VIPR2: variants seen among roughly 807,000 people sequenced by gnomAD.
VIPR2 encodes the protein vasoactive intestinal peptide receptor 2.
A neutral mutation model predicts 58.0 loss-of-function variants in VIPR2; 48 were observed. The observed-to-expected ratio is 0.83, with a 90% CI of 0.66 to 1.05. The LOEUF is 1.05. Ranked by LOEUF, VIPR2 falls within the 50% of genes least tolerant of loss-of-function variation. The pLI is 0.00. For missense variants in VIPR2, 534 were observed against 558.0 expected (o/e 0.96, Z 0.43); for synonymous variants, 243 against 235.2 (o/e 1.03, Z -0.30).
intron 2 of VIPR2, among the ~76,000 whole-genome samples, chr7:159,125,683 T>C (rs1796627272): frequency 6.6e-6 from 1 of 152,214 alleles, no homozygotes; most frequent in South Asian, 2.1e-4. Flanking sequence ...CAGTTTAGCA[T>C]GATTTCCATC....
At chr7:159,105,825 A>G (rs1025155857) in intron 3 of VIPR2, among the ~76,000 whole-genome samples, 4 of 152,214 alleles carry the variant, frequency 2.6e-5, no homozygotes. Context: ...AAGATAAATA[A>G]TGTGCCCATC....
intron 2 of VIPR2, among the ~76,000 whole-genome samples, chr7:159,115,388 C>T (rs6974127): frequency 0.31 from 47,052 of 151,962 alleles, 7,966 homozygotes; most frequent in African/African-American, 0.46. Flanking sequence ...CATTGTTCTT[C>T]GGCTAAAATG....
intron 3 of VIPR2, among the ~76,000 whole-genome samples, chr7:159,105,985 A>G (rs1858621050): frequency 1.3e-5 from 2 of 152,218 alleles, no homozygotes; most frequent in Non-Finnish European, 1.5e-5. Context: ...CAGCTCTCCA[A>G]TTAATCTCAG....
chr7:159,055,669 C>A (rs1193134050), intron 5 of VIPR2, among the ~76,000 whole-genome samples: 1 of 152,104 alleles, frequency 6.6e-6, no homozygotes, highest in Non-Finnish European at 1.5e-5. Flanking sequence ...TCCAAATCAC[C>A]TTTTTCCCTC....
intron 4 of VIPR2, among the ~76,000 whole-genome samples, chr7:159,074,979 A>G (rs187261992): frequency 1.3e-5 from 2 of 152,358 alleles, no homozygotes; most frequent in African/African-American, 2.4e-5. Context: ...CTCTATGTCT[A>G]TGAAAAGTGA....
At chr7:159,043,884 C>A (rs1854491338) in intron 5 of VIPR2, among the ~76,000 whole-genome samples, 1 of 152,182 alleles carries the variant, frequency 6.6e-6, no homozygotes, top group Non-Finnish European at 1.5e-5. Context: ...AACATCAGGT[C>A]CTCTGATAGC....
At chr7:159,111,202 G>A (rs1055416046) in intron 2 of VIPR2, among the ~76,000 whole-genome samples, 1 of 151,520 alleles carries the variant, frequency 6.6e-6, no homozygotes, top group Non-Finnish European at 1.5e-5. Context: ...GTCAGGATGG[G>A]GTTCCTAGCC....
rs111281162 is a variant in VIPR2, at chr7:159,136,524, C to T, written c.151+5922G>A. Among the ~76,000 whole-genome samples, 913 of 152,144 alleles carry T rather than the reference C, an allele frequency of 6.0e-3. 8 individuals carry two copies. Among genetic ancestry groups the T allele is most frequent in the African/African-American group, 0.021 (871 of 41,498 alleles). ...CACATTAGTGTCCATCCACAGTGGC[C>T]ATGTACCCAAGACAACCACTGCTGC... On this transcript the variant is annotated intron_variant, in intron 2 of 12. Transcript: ENST00000262178.
intron 10 of VIPR2, among the ~76,000 whole-genome samples, chr7:159,033,692 C>T (rs1563254322): frequency 6.6e-6 from 1 of 151,984 alleles, no homozygotes; most frequent in African/African-American, 2.4e-5. Flanking sequence ...AAGTACAAGG[C>T]CTGGTATTAG....
intron 2 of VIPR2, among the ~76,000 whole-genome samples, chr7:159,134,562 C>T (rs1797116735): frequency 6.6e-6 from 1 of 151,998 alleles, no homozygotes; most frequent in Non-Finnish European, 1.5e-5. Context: ...GGTCAAACTA[C>T]TAACATTAGA....
chr7:159,088,414 C>T (rs995511958), intron 4 of VIPR2, among the ~76,000 whole-genome samples: 16 of 152,040 alleles, frequency 1.1e-4, no homozygotes, highest in Admixed American at 5.9e-4. Context: ...GCTGTTCATC[C>T]GCACACATGC....
At position 159,044,456 on chromosome 7, in the gene VIPR2, T is replaced by C. The variant is rs1006343976; in HGVS notation, c.456-1280A>G. 2.6e-5 allele frequency among the ~76,000 whole-genome samples: 4 copies of C among 151,820 alleles called. No individual in the cohort carries two copies. In the East Asian group the frequency reaches 5.8e-4, roughly 22 times the overall value. ...AATAATAATAAGAAAATATGGCCCA[T>C]TTACAGGAAAAATAAAATGAATCAA... On this transcript the variant is annotated intron_variant, in intron 5 of 12. Coordinates refer to ENST00000262178, the MANE Select transcript of VIPR2 (RefSeq NM_003382.5).
intron 2 of VIPR2, among the ~76,000 whole-genome samples, chr7:159,131,815 C>T (rs2129497514): frequency 6.6e-6 from 1 of 152,322 alleles, no homozygotes; most frequent in Admixed American, 6.5e-5. Flanking sequence ...CAGACACAAC[C>T]AGTCAGGTCT....
chr7:159,078,820 C>A (rs1388299276), intron 4 of VIPR2, among the ~76,000 whole-genome samples: 1 of 152,190 alleles, frequency 6.6e-6, no homozygotes, highest in Non-Finnish European at 1.5e-5. Flanking sequence ...AAACATACAA[C>A]CTGAATCAGA....
intron 6 of VIPR2, among the ~76,000 whole-genome samples, chr7:159,040,384 C>A (rs1292564938): frequency 1.3e-5 from 2 of 152,244 alleles, no homozygotes; most frequent in Non-Finnish European, 2.9e-5. Context: ...CACATGTGCA[C>A]GTGAGGCAGG....
At chr7:159,138,040 T>C (rs1563359829) in intron 2 of VIPR2, among the ~76,000 whole-genome samples, 1 of 152,232 alleles carries the variant, frequency 6.6e-6, no homozygotes, top group African/African-American at 2.4e-5. Flanking sequence ...TTTAGTTTCT[T>C]AGAACAGGTC....
chr7:159,132,777 A>G (rs1372652012), intron 2 of VIPR2, among the ~76,000 whole-genome samples: 2 of 132,010 alleles, frequency 1.5e-5, no homozygotes, highest in African/African-American at 5.4e-5. Context: ...TTCAGACAGA[A>G]TGATTGGCAT....
At chr7:159,078,101 T>G (rs1856733557) in intron 4 of VIPR2, among the ~76,000 whole-genome samples, 1 of 152,226 alleles carries the variant, frequency 6.6e-6, no homozygotes, top group African/African-American at 2.4e-5. Context: ...CTTAGAGAGC[T>G]CATTGGAACA....
intron 2 of VIPR2, among the ~76,000 whole-genome samples, chr7:159,126,963 C>T (rs1796674125): frequency 6.6e-6 from 1 of 152,180 alleles, no homozygotes; most frequent in Non-Finnish European, 1.5e-5. Flanking sequence ...GCAAACACAG[C>T]CTTGAGGTGG....
Sources: gnomAD v4.1 joint callset for allele counts (sites outside exome capture counted in the v4.1 genomes callset) on GRCh38, gnomAD v4.1.1 for gene constraint, MANE v1.5 for transcripts, NCBI Gene and HGNC (gene_info 2026-07-23, HGNC 2026-07-21) for gene names.